The following SEMA3C variants were observed in gnomAD, a reference collection of about 807,000 sequenced individuals.
SEMA3C encodes semaphorin 3C, also known as semaphorin-3C.
In SEMA3C, 47 loss-of-function variants were observed where a neutral mutation model predicts 89.4. That is an observed-to-expected ratio of 0.53 (90% confidence interval 0.42 to 0.67). The LOEUF is 0.67. SEMA3C is among the 30% of genes least tolerant of loss of function. The pLI is 0.00. For synonymous variants in SEMA3C, 310 were observed against 320.2 expected, an observed-to-expected ratio of 0.97 and a Z score of 0.34; for missense variants, 839 against 929.1, an observed-to-expected ratio of 0.90 and a Z score of 1.26.
chr7:80,829,552 A>G (rs1789962263), intron 2 of SEMA3C, among the ~76,000 whole-genome samples: 2 of 152,164 alleles, frequency 1.3e-5, no homozygotes, highest in South Asian at 4.1e-4. Context: ...AAATTACTTG[A>G]AAGTAGACGT....
intron 17 of SEMA3C, among the ~76,000 whole-genome samples, chr7:80,748,222 G>A (rs567577549): frequency 6.6e-6 from 1 of 152,022 alleles, no homozygotes; most frequent in Non-Finnish European, 1.5e-5. Flanking sequence ...TCAATATTAT[G>A]AAATTAGTTA....
At chr7:80,911,858 C>T (rs953779220) in intron 2 of SEMA3C, among the ~76,000 whole-genome samples, 10 of 152,136 alleles carry the variant, frequency 6.6e-5, no homozygotes, top group Non-Finnish European at 1.5e-4. Flanking sequence ...TGATCTTGAT[C>T]TCCTGACCTC....
chr7:80,828,297 C>A (rs1789923352), intron 3 of SEMA3C, among the ~76,000 whole-genome samples: 1 of 152,056 alleles, frequency 6.6e-6, no homozygotes, highest in South Asian at 2.1e-4. Flanking sequence ...CTGACCATTT[C>A]TTTCATGCAC....
intron 2 of SEMA3C, among the ~76,000 whole-genome samples, chr7:80,846,579 T>C (rs530412596): frequency 2.0e-5 from 3 of 152,192 alleles, no homozygotes; most frequent in Admixed American, 1.3e-4. Context: ...AATCCTTCCA[T>C]ATCAGCCTCC....
chr7:80,850,910 G>C (rs901825371), intron 2 of SEMA3C, among the ~76,000 whole-genome samples: 2 of 152,098 alleles, frequency 1.3e-5, no homozygotes, highest in African/African-American at 4.8e-5. Context: ...CACTTCTAGA[G>C]ACCAGGAGTA....
intron 12 of SEMA3C, among the ~76,000 whole-genome samples, chr7:80,788,395 G>C (rs565646720): frequency 1.3e-5 from 2 of 152,162 alleles, no homozygotes; most frequent in Non-Finnish European, 2.9e-5. Context: ...TGTGAAAGAC[G>C]TGAGTAGTGG....
Position 80,919,031 on chromosome 7 carries a change from CTCAA to C in SEMA3C, c.-246_-243del. 1.0e-6 allele frequency: 1 copy of C among 985,366 alleles called. No individual in the cohort carries two copies. The highest frequency in any genetic ancestry group is 1.2e-6 in the Non-Finnish European group (1 of 829,902). 61.0% of individuals were successfully genotyped at this position (985,366 alleles called of 1,614,324 possible). ...GCACCCGGAGCTCTTCTCCGCGTCG[CTCAA>C]TCAAGCACCTCGGAGTGAATGGAAA... is the stretch of plus-strand genomic sequence containing the variant. On this transcript the variant is annotated 5_prime_UTR_variant, in exon 1 of 18. Coordinates refer to ENST00000265361, the MANE Select transcript of SEMA3C (RefSeq NM_006379.5).
At chr7:80,761,700 T>C (rs201205414) in intron 13 of SEMA3C, 43 bp from the exon 14 acceptor site, 213 of 1,112,332 alleles carry the variant, frequency 1.9e-4, no homozygotes, top group Non-Finnish European at 2.6e-4. Flanking sequence ...CAAATATTGC[T>C]TAAAAGGATT....
At chr7:80,833,439 G>A (rs1295712750) in intron 2 of SEMA3C, among the ~76,000 whole-genome samples, 1 of 151,694 alleles carries the variant, frequency 6.6e-6, no homozygotes, top group Non-Finnish European at 1.5e-5. Flanking sequence ...CCAGCCTGGG[G>A]TGACAGAGTG....
chr7:80,854,568 T>C (rs1475803433), intron 2 of SEMA3C, among the ~76,000 whole-genome samples: 1 of 152,168 alleles, frequency 6.6e-6, no homozygotes, highest in Admixed American at 6.5e-5. Flanking sequence ...AGGTAATTAT[T>C]GTGAGAGTCA....
chr7:80,763,234 G>C (rs1037816298), intron 13 of SEMA3C, among the ~76,000 whole-genome samples: 1 of 152,158 alleles, frequency 6.6e-6, no homozygotes, highest in Non-Finnish European at 1.5e-5. Flanking sequence ...TGAATTTTCT[G>C]CAGTACATCA....
intron 2 of SEMA3C, among the ~76,000 whole-genome samples, chr7:80,853,430 T>C (rs1438113546): frequency 6.6e-6 from 1 of 152,230 alleles, no homozygotes; most frequent in Non-Finnish European, 1.5e-5. Flanking sequence ...GGAGAACTAT[T>C]CAGCCATTAA....
intron 11 of SEMA3C, among the ~76,000 whole-genome samples, chr7:80,796,217 G>A (rs1159099778): frequency 3.9e-5 from 6 of 152,070 alleles, no homozygotes; most frequent in Admixed American, 6.5e-5. Flanking sequence ...ATTTCAAATA[G>A]CAAGTCACTC....
At chr7:80,842,846 GTCTT>G (rs1224054931) in intron 2 of SEMA3C, among the ~76,000 whole-genome samples, 2 of 152,186 alleles carry the variant, frequency 1.3e-5, no homozygotes, top group East Asian at 3.9e-4. Context: ...TGCAGAATCT[GTCTT>G]TCTGTTTCTT....
In SEMA3C at chr7:80,877,390, C is replaced by T. The variant is rs1368362511; in HGVS notation, c.103+39289G>A. Among the ~76,000 whole-genome samples, 5 of 152,264 alleles carry T rather than the reference C, an allele frequency of 3.3e-5. No homozygotes were observed. The South Asian group carries it at 6.2e-4, about 19-fold the overall frequency. ...TCTTCAAATTTGGAATGCTTTGCCT[C>T]GTTCTCCTTTAACTGCCAAGCTCTT... On this transcript the variant is annotated intron_variant, in intron 2 of 17. Coordinates refer to ENST00000265361, the MANE Select transcript of SEMA3C (RefSeq NM_006379.5).
At chr7:80,883,783 A>G (rs1198382600) in intron 2 of SEMA3C, among the ~76,000 whole-genome samples, 1 of 152,218 alleles carries the variant, frequency 6.6e-6, no homozygotes, top group African/African-American at 2.4e-5. Context: ...TCATGAGCAA[A>G]AAAAATGAGC....
intron 3 of SEMA3C, 71 bp downstream of exon 3, chr7:80,828,514 A>T: frequency 1.6e-6 from 2 of 1,237,412 alleles, no homozygotes; most frequent in Non-Finnish European, 2.2e-6. Context: ...ATTATTTTTT[A>T]CTTATTTATT....
At chr7:80,771,189 G>A (rs958017075) in intron 12 of SEMA3C, among the ~76,000 whole-genome samples, 1 of 152,188 alleles carries the variant, frequency 6.6e-6, no homozygotes, top group African/African-American at 2.4e-5. Context: ...TGGAAGTTAT[G>A]TTTTAGTTTT....
chr7:80,785,797 G>A (rs1788788261), intron 12 of SEMA3C, among the ~76,000 whole-genome samples: 1 of 152,130 alleles, frequency 6.6e-6, no homozygotes, highest in African/African-American at 2.4e-5. Context: ...TAGTAGAGAT[G>A]GGGTTTCTCC....
Sources: allele counts gnomAD v4.1 joint callset (sites outside exome capture counted in the v4.1 genomes callset), GRCh38; gene constraint gnomAD v4.1.1; transcripts MANE v1.5; gene names NCBI Gene and HGNC (gene_info 2026-07-23, HGNC 2026-07-21).